EP400: variants seen among roughly 807,000 people sequenced by gnomAD.
The protein encoded by EP400 is E1A binding protein p400.
EP400 carries 105 observed loss-of-function variants against 354.1 expected under a neutral mutation model. That is an observed-to-expected ratio of 0.30 (90% CI 0.25 to 0.35). The LOEUF is 0.35. Among genes scored for constraint, EP400 ranks in the 10% least tolerant of loss-of-function variants. The probability of loss-of-function intolerance (pLI) is 1.00; values close to 1 mark genes in which losing one functional copy is unlikely to be tolerated. For missense variants in EP400, 3,280 were observed against 4,121.0 expected (o/e 0.80, Z 5.59); for synonymous variants, 1,646 against 1,716.9 (o/e 0.96, Z 1.02).
intron 1 of EP400, among the ~76,000 whole-genome samples, chr12:131,957,038 A>AT (rs1461883845): frequency 6.6e-6 from 1 of 151,366 alleles, no homozygotes; most frequent in Admixed American, 6.6e-5. Context: ...CGCCCGGCTA[A>AT]TTTTTTGTAT....
At chr12:132,041,149 G>A (rs992344730) in intron 32 of EP400, among the ~76,000 whole-genome samples, 40 of 152,330 alleles carry the variant, frequency 2.6e-4, no homozygotes, top group African/African-American at 5.5e-4. Flanking sequence ...ACAGATCCAC[G>A]TTAGCGTGCT....
chr12:132,065,381 G>GT, intron 48 of EP400: 1 of 159,506 alleles, frequency 6.3e-6, no homozygotes, highest in Admixed American at 5.9e-5. Context: ...GCAGGTGCCA[G>GT]CGTCCCGGGG....
intron 15 of EP400, among the ~76,000 whole-genome samples, chr12:132,008,243 C>T (rs1192508781): frequency 6.6e-6 from 1 of 152,186 alleles, no homozygotes; most frequent in African/African-American, 2.4e-5. Context: ...CCACCGCACC[C>T]GGCCTGAGGG....
Position 132,013,368 on chromosome 12 carries a change from T to C in EP400, c.3612-122T>C. 7.1e-7 allele frequency: 1 copy of C among 1,409,218 alleles called. No individual in the cohort carries two copies. The highest frequency in any genetic ancestry group is 1.4e-5 in the South Asian group (1 of 71,618). The allele number at this position is 1,409,218 out of a possible 1,614,324, so 87.3% of individuals were successfully genotyped here. A position where few individuals can be genotyped will look rare whatever the true frequency, so the allele number is the denominator to read the frequency against. On this transcript the variant is annotated intron_variant, in intron 17 of 52. Coordinates refer to ENST00000389561, the MANE Select transcript of EP400 (RefSeq NM_015409.5). The surrounding 1 kb of genome is among the most constrained non-coding windows in gnomAD (Gnocchi z 4.5). ...AGTGCAGCCCCCCTTTTCAGGCATG[T>C]GCACGTTGACATTTGCGGTGTCAAA...
At chr12:131,954,585 C>T (rs571809533) in intron 1 of EP400, among the ~76,000 whole-genome samples, 7 of 151,330 alleles carry the variant, frequency 4.6e-5, no homozygotes, top group Admixed American at 1.3e-4. Context: ...ATTGGCCGGG[C>T]GTGGTGGTGT....
intron 2 of EP400, among the ~76,000 whole-genome samples, chr12:131,970,776 C>T (rs1892262197): frequency 6.6e-6 from 1 of 152,116 alleles, no homozygotes; most frequent in Non-Finnish European, 1.5e-5. Context: ...ATAAAGTGTA[C>T]AAAGCGATTT....
chr12:132,050,297 A>T lies in EP400; in HGVS notation c.7201-26A>T, dbSNP rs1895248426. ...CGTCTGTCCATGCTGCCTAATTCAG[A>T]TGCACTCTCGTCAATTTCATTGCAG... On this transcript the variant is annotated intron_variant, in intron 39 of 52. Transcript: ENST00000389561. The surrounding 1 kb of genome is among the most constrained non-coding windows in gnomAD (Gnocchi z 4.8). 6.2e-7 allele frequency: 1 copy of T among 1,613,318 alleles called. No homozygotes were observed. The highest frequency in any genetic ancestry group is 8.5e-7 in the Non-Finnish European group (1 of 1,179,664).
Position 132,027,656 on chromosome 12 carries a change from T to C in EP400, c.5109+125T>C. On this transcript the variant is annotated intron_variant, in intron 26 of 52. Coordinates refer to ENST00000389561, the MANE Select transcript of EP400 (RefSeq NM_015409.5). This position sits in a 1 kb window ranked among gnomAD's most constrained non-coding sequence, Gnocchi z 4.9. ...CTCAAGTGATGTTACTGAATTCTTA[T>C]TTTAAAACACACATTTTCTAATAAA... The C allele has an allele frequency of 5.2e-6, 4 of 766,752 alleles. No individual in the cohort carries two copies. The highest frequency in any genetic ancestry group is 6.2e-6 in the Non-Finnish European group (3 of 486,338). The allele number at this position is 766,752 out of a possible 1,614,324, so 47.5% of individuals were successfully genotyped here.
rs7488663 is a variant in EP400 at position 132,059,974 on chromosome 12, G to A, written c.7885-2136G>A. On this transcript the variant is annotated intron_variant, in intron 45 of 52. Transcript: ENST00000389561. ...GGAGGCGGAGGTTGCAGTGAGCCAA[G>A]ATCACACCATTGCTCTCCAGCCTGG... Among the ~76,000 whole-genome samples, 295 of 151,190 alleles carry A rather than the reference G, an allele frequency of 2.0e-3. 4 individuals carry two copies. Among genetic ancestry groups the A allele is most frequent in the African/African-American group, 5.9e-3 (244 of 41,154 alleles).
intron 2 of EP400, among the ~76,000 whole-genome samples, chr12:131,977,418 C>T (rs1892522156): frequency 6.6e-6 from 1 of 151,940 alleles, no homozygotes; most frequent in South Asian, 2.1e-4. Flanking sequence ...CAGGCGTGAG[C>T]CACCATGCCC....
At chr12:132,033,558 G>A (rs76445991) in intron 30 of EP400, among the ~76,000 whole-genome samples, 1 of 121,836 alleles carries the variant, frequency 8.2e-6, no homozygotes. Flanking sequence ...TTTTTTTTTT[G>A]AGACGGTCTG....
chr12:131,987,347 C>A (rs1415832348), intron 6 of EP400, among the ~76,000 whole-genome samples: 1 of 152,230 alleles, frequency 6.6e-6, no homozygotes, highest in Non-Finnish European at 1.5e-5. Flanking sequence ...TTATCCCACT[C>A]CTTTCCAGAT....
At position 132,055,501 on chromosome 12, in the gene EP400, G is replaced by T. The variant is rs1895460568; in HGVS notation, c.7884+293G>T. 1.6e-5 allele frequency among the ~76,000 whole-genome samples: 2 copies of T among 128,254 alleles called. 1 individual carries two copies. Among genetic ancestry groups the T allele is most frequent in the South Asian group, 6.0e-4 (2 of 3,352 alleles). 84.1% of individuals were successfully genotyped at this position (128,254 alleles called of 152,430 possible). A position where few individuals can be genotyped will look rare whatever the true frequency, so the allele number is the denominator to read the frequency against. On this transcript the variant is annotated intron_variant, in intron 45 of 52. Transcript: ENST00000389561. ...GGTGTAGGGGTGTGTGTGAGGTGTA[G>T]GTGTGTGTGTGTGAGGTGTAGGGGT...
At chr12:131,968,652 C>G (rs1892182910) in intron 2 of EP400, among the ~76,000 whole-genome samples, 1 of 152,128 alleles carries the variant, frequency 6.6e-6, no homozygotes, top group Non-Finnish European at 1.5e-5. Context: ...GTCCATTGAC[C>G]TGTTTAGGGA....
chr12:132,038,335 G>A lies in EP400; in HGVS notation c.6207+239G>A, dbSNP rs1343677715. Among the ~76,000 whole-genome samples the A allele has an allele frequency of 6.6e-6, 1 of 152,242 alleles. No homozygotes were observed. The highest frequency in any genetic ancestry group is 2.4e-5 in the African/African-American group (1 of 41,464). On this transcript the variant is annotated intron_variant, in intron 32 of 52. Transcript: ENST00000389561. This position sits in a 1 kb window ranked among gnomAD's most constrained non-coding sequence, Gnocchi z 4.2. ...GGACCACAGGCCTGTCACCGAAGCA[G>A]TCGCTGCCGTCTTCATCTGCACTTT...
At position 132,052,452 on chromosome 12, in the gene EP400, C is replaced by T. The variant is rs997478810; in HGVS notation, c.7395-694C>T. Reference sequence around the variant, plus strand: ...TGCTCCCTGAGTGTGCTGGCAGCCGCGCCCCAGCCCTTCACTTAACTGCCC... The same window carrying T: ...TGCTCCCTGAGTGTGCTGGCAGCCGTGCCCCAGCCCTTCACTTAACTGCCC... On this transcript the variant is annotated intron_variant, in intron 41 of 52. Coordinates refer to ENST00000389561, the MANE Select transcript of EP400 (RefSeq NM_015409.5). The surrounding 1 kb of genome is among the most constrained non-coding windows in gnomAD (Gnocchi z 4.4). Among the ~76,000 whole-genome samples, 18 of 152,378 alleles carry T rather than the reference C, an allele frequency of 1.2e-4. No individual in the cohort carries two copies. Among genetic ancestry groups the T allele is most frequent in the Admixed American group, 2.6e-4 (4 of 15,312 alleles).
chr12:132,045,698 C>A (rs930312024), intron 38 of EP400, 29 bp from the exon 39 acceptor site: 1 of 1,612,898 alleles, frequency 6.2e-7, no homozygotes, highest in Non-Finnish European at 8.5e-7. Context: ...AGTGTATTCA[C>A]CTGTTTTACC....
chr12:131,962,148 A>G (rs1178502594), intron 2 of EP400, among the ~76,000 whole-genome samples, 194 bp downstream of exon 2: 1 of 152,206 alleles, frequency 6.6e-6, no homozygotes, highest in Non-Finnish European at 1.5e-5. Context: ...AGAGCTGTTG[A>G]GCGCAGAAGT....
chr12:132,031,742 A>G (rs1039776213), intron 29 of EP400, among the ~76,000 whole-genome samples: 1 of 151,786 alleles, frequency 6.6e-6, no homozygotes, highest in African/African-American at 2.4e-5. Context: ...TTTTTAGTAG[A>G]GACGGGGTTT....
Sources: allele counts gnomAD v4.1 joint callset (sites outside exome capture counted in the v4.1 genomes callset), GRCh38; gene constraint gnomAD v4.1.1; non-coding constraint Gnocchi (gnomAD v3.1); transcripts MANE v1.5; gene names NCBI Gene and HGNC (gene_info 2026-07-23, HGNC 2026-07-21).